GCNT1: variants seen among roughly 807,000 people sequenced by gnomAD.
GCNT1 encodes the protein beta-1,3-galactosyl-O-glycosyl-glycoprotein beta-1,6-N-acetylglucosaminyltransferase.
Under a neutral mutation model 26.2 loss-of-function variants are expected in GCNT1, and 16 were observed. That is an observed-to-expected ratio of 0.61 (90% CI 0.41 to 0.93). The LOEUF (loss-of-function observed/expected upper bound fraction) is 0.93, where lower values mean the gene tolerates loss of function less well. Among genes scored for constraint, GCNT1 ranks in the 40% least tolerant of loss-of-function variants. The pLI is 0.00. For missense variants in GCNT1, 477 were observed against 526.7 expected (o/e 0.91, Z 0.92); for synonymous variants, 183 against 190.8 (o/e 0.96, Z 0.34).
chr9:76,415,672 A>C (rs1233276153), upstream of GCNT1, among the ~76,000 whole-genome samples: 2 of 152,230 alleles, frequency 1.3e-5, no homozygotes, highest in Non-Finnish European at 1.5e-5. Flanking sequence ...TTAACAAAGC[A>C]TCAATAAAAT....
upstream of GCNT1, among the ~76,000 whole-genome samples, chr9:76,440,185 A>G (rs1823466351): frequency 5.3e-5 from 8 of 152,028 alleles, no homozygotes; most frequent in Admixed American, 5.2e-4. Flanking sequence ...TTCTTGGCTC[A>G]GCATCTCTTC....
rs563191917 is a variant in GCNT1, at chr9:76,468,980, G to A, written c.-290+8803G>A. Among the ~76,000 whole-genome samples, 6 of 152,280 alleles carry A rather than the reference G, an allele frequency of 3.9e-5. No individual in the cohort carries two copies. The East Asian group carries it at 7.7e-4, about 20-fold the overall frequency. ...ATTGTCATACTACTTTAATTGAAAA[G>A]TAACAATGAGTTTTTAATCCATTTG... On this transcript the variant is annotated intron_variant, in intron 2 of 3. Coordinates refer to ENST00000376730, the MANE Select transcript of GCNT1 (RefSeq NM_001490.5).
intron 2 of GCNT1, among the ~76,000 whole-genome samples, chr9:76,468,042 G>T (rs1173277425): frequency 6.6e-6 from 1 of 151,754 alleles, no homozygotes; most frequent in South Asian, 2.1e-4. Context: ...GAGTAGCTGG[G>T]ATTACAGGCA....
intron 1 of GCNT1, among the ~76,000 whole-genome samples, chr9:76,430,282 A>T (rs1448020340): frequency 6.6e-6 from 1 of 152,208 alleles, no homozygotes; most frequent in Non-Finnish European, 1.5e-5. Context: ...ATTTTTTGCC[A>T]ATCCGAGAAG....
chr9:76,425,137 TAAAAAAAAAA>T (rs1194003045), intron 1 of GCNT1, among the ~76,000 whole-genome samples: 3 of 73,034 alleles, frequency 4.1e-5, no homozygotes, highest in African/African-American at 1.7e-4. Flanking sequence ...AAACTCCGTC[TAAAAAAAAAA>T]AAAAAAAAAA....
At chr9:76,443,216 G>A (rs1823508156) in intron 1 of GCNT1, among the ~76,000 whole-genome samples, 1 of 152,156 alleles carries the variant, frequency 6.6e-6, no homozygotes, top group Admixed American at 6.5e-5. Flanking sequence ...CTCGGTTGGG[G>A]AGACCCTAAC....
At chr9:76,487,746 A>G (rs1824617611) in intron 2 of GCNT1, among the ~76,000 whole-genome samples, 1 of 152,064 alleles carries the variant, frequency 6.6e-6, no homozygotes, top group East Asian at 1.9e-4. Flanking sequence ...ATGCATACAT[A>G]TATTTGAGAC....
chr9:76,427,719 C>T (rs1176908344), intron 1 of GCNT1, among the ~76,000 whole-genome samples: 2 of 152,086 alleles, frequency 1.3e-5, no homozygotes, highest in East Asian at 1.9e-4. Flanking sequence ...GAAATGTTAG[C>T]TCTTGGCATG....
At chr9:76,490,715 A>G (rs1824709518) in intron 2 of GCNT1, among the ~76,000 whole-genome samples, 1 of 152,206 alleles carries the variant, frequency 6.6e-6, no homozygotes, top group Non-Finnish European at 1.5e-5. Flanking sequence ...GGCTGAGTGC[A>G]AAGAACTCAC....
At chr9:76,463,496 A>G (rs76776351) in intron 2 of GCNT1, among the ~76,000 whole-genome samples, 17,665 of 152,206 alleles carry the variant, frequency 0.12, 1,139 homozygotes, top group Middle Eastern at 0.21. Context: ...TTCTGTTTCC[A>G]ATGAGGAGTC....
At chr9:76,396,209 G>A in the GCNT1 span, among the ~76,000 whole-genome samples, 3 of 152,178 alleles carry the variant, frequency 2.0e-5, no homozygotes, top group Admixed American at 2.0e-4. Flanking sequence ...AGGAGGGGTG[G>A]TTTTAAGAAT....
Position 76,507,132 on chromosome 9 carries a change from T to C in GCNT1, c.*3464T>C, listed in dbSNP as rs1475757198. 1.2e-5 allele frequency: 2 copies of C among 167,030 alleles called. No individual in the cohort carries two copies. Among genetic ancestry groups the C allele is most frequent in the Non-Finnish European group, 2.9e-5 (2 of 68,100 alleles). The allele number at this position is 167,030 out of a possible 1,614,324, so 10.3% of individuals were successfully genotyped here. ...TTATAATGAAGTGTTGAATAGCTCATGTTATTTACTGAATACTGTTGTGAA... is the reference window on the plus strand; with the variant it reads ...TTATAATGAAGTGTTGAATAGCTCACGTTATTTACTGAATACTGTTGTGAA... On this transcript the variant is annotated 3_prime_UTR_variant, in exon 4 of 4. Coordinates refer to ENST00000376730, the MANE Select transcript of GCNT1 (RefSeq NM_001490.5).
intron 2 of GCNT1, among the ~76,000 whole-genome samples, chr9:76,466,758 T>G (rs1824004932): frequency 6.6e-6 from 1 of 152,208 alleles, no homozygotes; most frequent in Admixed American, 6.5e-5. Flanking sequence ...GCTTTAGATT[T>G]TGGGTCCAGA....
chr9:76,427,867 A>G (rs1823277249), intron 1 of GCNT1, among the ~76,000 whole-genome samples: 1 of 152,140 alleles, frequency 6.6e-6, no homozygotes, highest in Non-Finnish European at 1.5e-5. Context: ...CTGCAGTCCC[A>G]GATAGTTGGG....
the GCNT1 span, among the ~76,000 whole-genome samples, chr9:76,397,142 C>T: frequency 6.6e-6 from 1 of 152,112 alleles, no homozygotes; most frequent in Non-Finnish European, 1.5e-5. Flanking sequence ...ATTAGCCAGG[C>T]ATGGCAGTGA....
intron 2 of GCNT1, among the ~76,000 whole-genome samples, chr9:76,471,313 A>G (rs1022045327): frequency 6.6e-6 from 1 of 152,204 alleles, no homozygotes; most frequent in South Asian, 2.1e-4. Flanking sequence ...GGTGTGAGCC[A>G]CTGTGCCCTG....
chr9:76,471,054 C>T (rs1824120651), intron 2 of GCNT1, among the ~76,000 whole-genome samples: 1 of 152,220 alleles, frequency 6.6e-6, no homozygotes, highest in Non-Finnish European at 1.5e-5. Context: ...TGCTAACCAA[C>T]ACAGTCCTTG....
At chr9:76,429,940 T>G (rs1823312704) in intron 1 of GCNT1, among the ~76,000 whole-genome samples, 1 of 152,102 alleles carries the variant, frequency 6.6e-6, no homozygotes, top group South Asian at 2.1e-4. Flanking sequence ...GGTCTCGATC[T>G]CCTGACCTTG....
the GCNT1 span, chr9:76,399,115 T>C: frequency 3.2e-6 from 5 of 1,565,606 alleles, no homozygotes; most frequent in South Asian, 4.4e-5. Context: ...AGGCATCTTA[T>C]GTTAACCTAC....
Sources: allele counts gnomAD v4.1 joint callset (sites outside exome capture counted in the v4.1 genomes callset), GRCh38; gene constraint gnomAD v4.1.1; transcripts MANE v1.5; gene names NCBI Gene and HGNC (gene_info 2026-07-23, HGNC 2026-07-21).